The following ZNF84 variants were observed in gnomAD, a reference collection of about 807,000 sequenced individuals.
The protein encoded by ZNF84 is zinc finger protein 84.
Under a neutral mutation model 14.8 loss-of-function variants are expected in ZNF84, and 12 were observed. The observed-to-expected ratio is 0.81, with a 90% confidence interval of 0.52 to 1.31. The LOEUF (loss-of-function observed/expected upper bound fraction) is 1.31, where lower values mean the gene tolerates loss of function less well. Among genes scored for constraint, ZNF84 ranks in the 50% most tolerant of loss-of-function variants. The pLI is 0.00. For synonymous variants in ZNF84, 347 were observed against 291.1 expected, an observed-to-expected ratio of 1.19 and a Z score of -1.96; for missense variants, 859 against 878.6, an observed-to-expected ratio of 0.98 and a Z score of 0.28.
intron 2 of ZNF84, among the ~76,000 whole-genome samples, chr12:133,047,449 C>T (rs1021292230): frequency 7.2e-5 from 11 of 152,088 alleles, no homozygotes; most frequent in Non-Finnish European, 1.5e-4. Context: ...CTGGTGTCAC[C>T]CTTGTTATTG....
At chr12:133,042,549 G>A (rs1953905247) in intron 2 of ZNF84, among the ~76,000 whole-genome samples, 1 of 152,140 alleles carries the variant, frequency 6.6e-6, no homozygotes, top group Admixed American at 6.5e-5. Context: ...AAAAGCGTAG[G>A]CTTTATAGGG....
chr12:133,046,387 T>A (rs1953980310), intron 2 of ZNF84, among the ~76,000 whole-genome samples: 1 of 130,746 alleles, frequency 7.6e-6, no homozygotes, highest in Admixed American at 8.4e-5. Context: ...TTTTTTTAAA[T>A]CAGAGCTGCT....
chr12:133,049,471 C>G (rs1167300550), intron 4 of ZNF84, among the ~76,000 whole-genome samples: 1 of 151,534 alleles, frequency 6.6e-6, no homozygotes, highest in Non-Finnish European at 1.5e-5. Flanking sequence ...ATGAATAATC[C>G]CTTTCTTGTT....
rs113520946 is a variant in ZNF84, at chr12:133,057,146, T to G, written c.431T>G (p.Leu144Arg). Residue 144 changes from leucine to arginine, a missense_variant, in exon 5 of 5, where the codon CTT becomes CGT. Transcript: ENST00000539354. The part of the protein sequence containing the change: ...GLILKHHLDL[L>R]IPKGDYGKAE... ...ATTTTAAAACATCATTTAGATTTGC[T>G]TATTCCAAAAGGAGATTATGGAAAA... is the stretch of plus-strand genomic sequence containing the variant. The G allele has an allele frequency of 2.5e-6, 4 of 1,611,126 alleles. No homozygotes were observed. In the African/African-American group the frequency reaches 5.4e-5, roughly 22 times the overall value.
chr12:133,059,762 T>G lies in ZNF84; in HGVS notation c.*830T>G, dbSNP rs1295901255. Reference sequence around the variant, plus strand: ...AACACTACACACCACTGGTTTTTATTTTTTAACAATAATATAAAAAATGGA... The same window carrying G: ...AACACTACACACCACTGGTTTTTATGTTTTAACAATAATATAAAAAATGGA... On this transcript the variant is annotated 3_prime_UTR_variant, in exon 5 of 5. Coordinates refer to ENST00000539354, the MANE Select transcript of ZNF84 (RefSeq NM_001289971.2). 6.6e-6 allele frequency: 1 copy of G among 152,206 alleles called. No individual in the cohort carries two copies. The highest frequency in any genetic ancestry group is 1.5e-5 in the Non-Finnish European group (1 of 68,018). 9.4% of individuals were successfully genotyped at this position (152,206 alleles called of 1,614,324 possible). A position where few individuals can be genotyped will look rare whatever the true frequency, so the allele number is the denominator to read the frequency against.
intron 4 of ZNF84, among the ~76,000 whole-genome samples, chr12:133,051,597 A>G (rs1421244137): frequency 6.6e-6 from 1 of 152,170 alleles, no homozygotes; most frequent in Non-Finnish European, 1.5e-5. Flanking sequence ...TGTAAGGGTC[A>G]AAGTTTACTA....
At chr12:133,038,913 A>G (rs1374912125) in intron 1 of ZNF84, 1 of 152,178 alleles carries the variant, frequency 6.6e-6, no homozygotes, top group East Asian at 1.9e-4. Context: ...TCTTCACATA[A>G]TGGGAAAAAA....
chr12:133,038,513 G>A (rs1383985917), intron 1 of ZNF84, among the ~76,000 whole-genome samples: 4 of 151,218 alleles, frequency 2.6e-5, no homozygotes, highest in Non-Finnish European at 5.9e-5. Context: ...GTGAGCTATG[G>A]TTATGCCATT....
rs1265288604 is a variant in ZNF84, at chr12:133,059,539, G to C, written c.*607G>C. 11 of 152,642 alleles carry C rather than the reference G, an allele frequency of 7.2e-5. No individual in the cohort carries two copies. Among genetic ancestry groups the C allele is most frequent in the African/African-American group, 2.6e-4 (11 of 41,608 alleles). The allele number at this position is 152,642 out of a possible 1,614,324, so 9.5% of individuals were successfully genotyped here. A position where few individuals can be genotyped will look rare whatever the true frequency, so the allele number is the denominator to read the frequency against. On this transcript the variant is annotated 3_prime_UTR_variant, in exon 5 of 5. Transcript: ENST00000539354. Reference sequence around the variant, plus strand: ...AATACCCAATTCTAAGTGGTTGACAGATGTTCACTTTGAAGTGTGAAGTTT... The same window carrying C: ...AATACCCAATTCTAAGTGGTTGACACATGTTCACTTTGAAGTGTGAAGTTT...
Position 133,062,723 on chromosome 12 carries a change from T to TAA in ZNF84, c.*3793_*3794dup. 4.6e-6 allele frequency: 1 copy of TAA among 217,280 alleles called. No homozygotes were observed. Among genetic ancestry groups the TAA allele is most frequent in the Non-Finnish European group, 9.3e-6 (1 of 107,916 alleles). 13.5% of individuals were successfully genotyped at this position (217,280 alleles called of 1,614,324 possible). On this transcript the variant is annotated 3_prime_UTR_variant, in exon 5 of 5. Transcript: ENST00000539354. Reference sequence around the variant, plus strand: ...AATATCGTGTGGCTTATTGTGGACTTAAAGTGTAACATTCTCCTTATGGTA... The same window carrying TAA: ...AATATCGTGTGGCTTATTGTGGACTTAAAAAGTGTAACATTCTCCTTATGGTA...
In ZNF84 at chr12:133,058,361, G is replaced by A. The variant is rs1954198942; in HGVS notation, c.1646G>A (p.Gly549Glu). 1 of 1,614,010 alleles carries A rather than the reference G, an allele frequency of 6.2e-7. No homozygotes were observed. The highest frequency in any genetic ancestry group is 1.1e-5 in the South Asian group (1 of 91,064). Residue 549 changes from glycine (G) to glutamate (E), a missense_variant, in exon 5 of 5, where the codon GGG becomes GAG. Transcript: ENST00000539354. Reference sequence around the variant, plus strand: ...AAACCCTATGAATGCAGTGAATGTGGGAAGGCCTTTGGTGAGAAGTCAAGT... The same window carrying A: ...AAACCCTATGAATGCAGTGAATGTGAGAAGGCCTTTGGTGAGAAGTCAAGT... ...GEKPYECSECGKAFGEKSSLA... is the reference protein window; with the variant it reads ...GEKPYECSECEKAFGEKSSLA...
chr12:133,052,938 A>G (rs1051009358), intron 4 of ZNF84, among the ~76,000 whole-genome samples: 3 of 152,250 alleles, frequency 2.0e-5, no homozygotes, highest in Non-Finnish European at 2.9e-5. Flanking sequence ...ATGGAAGCCC[A>G]TGTGGCTGAG....
In ZNF84 at chr12:133,057,028, C is replaced by T; in HGVS notation, c.313C>T (p.His105Tyr). Residue 105 changes from histidine (H) to tyrosine (Y), a missense_variant, in exon 5 of 5, where the codon CAT becomes TAT. By Grantham distance (83) the His-to-Tyr change is moderately conservative. Transcript: ENST00000539354. ...QDKLKIIKRGHECDAFGKNFN... is the reference protein window; with the variant it reads ...QDKLKIIKRGYECDAFGKNFN... ...CAAGCTTAAAATTATAAAAAGAGGT[C>T]ATGAATGTGATGCATTTGGAAAAAA... The T allele has an allele frequency of 1.2e-6, 2 of 1,611,662 alleles. No homozygotes were observed. Among genetic ancestry groups the T allele is most frequent in the East Asian group, 2.2e-5 (1 of 44,822 alleles).
intron 1 of ZNF84, among the ~76,000 whole-genome samples, chr12:133,040,120 G>C (rs1457778764): frequency 6.6e-6 from 1 of 152,054 alleles, no homozygotes; most frequent in African/African-American, 2.4e-5. Context: ...GGAATTACAG[G>C]CGTAAGCCAT....
At chr12:133,056,830 T>A (rs993131797) in intron 4 of ZNF84, 124 bp from the exon 5 acceptor site, 3 of 709,954 alleles carry the variant, frequency 4.2e-6, no homozygotes, top group Non-Finnish European at 6.8e-6. Flanking sequence ...TTGGGACTTA[T>A]TTCAGACTCG....
intron 1 of ZNF84, chr12:133,039,175 A>C (rs1399494446): frequency 6.6e-6 from 1 of 152,244 alleles, no homozygotes; most frequent in Non-Finnish European, 1.5e-5. Flanking sequence ...TAAGGTATAA[A>C]GGAGTCATTT....
At chr12:133,038,649 G>GT (rs1325831949) in intron 1 of ZNF84, among the ~76,000 whole-genome samples, 1 of 151,426 alleles carries the variant, frequency 6.6e-6, no homozygotes, top group African/African-American at 2.4e-5. Flanking sequence ...GAGTCGATGA[G>GT]TTATATAAAT....
intron 2 of ZNF84, among the ~76,000 whole-genome samples, chr12:133,043,435 A>T (rs1390075861): frequency 6.6e-6 from 1 of 152,172 alleles, no homozygotes; most frequent in African/African-American, 2.4e-5. Flanking sequence ...AAAGTGTGTG[A>T]GCCACTTACA....
At chr12:133,048,182 A>G (rs1954015970) in intron 3 of ZNF84, 101 bp downstream of exon 3, 2 of 1,144,264 alleles carry the variant, frequency 1.7e-6, no homozygotes, top group Non-Finnish European at 2.4e-6. Flanking sequence ...GGCTTCTGAA[A>G]TTTTTAATGA....
Sources: gnomAD v4.1 joint callset for allele counts (sites outside exome capture counted in the v4.1 genomes callset) on GRCh38, gnomAD v4.1.1 for gene constraint, MANE v1.5 for transcripts, NCBI Gene and HGNC (gene_info 2026-07-23, HGNC 2026-07-21) for gene names.